The following SCARA5 variants were observed in gnomAD, a reference collection of about 807,000 sequenced individuals.
SCARA5 encodes the protein scavenger receptor class A member 5, also known as scavenger receptor class A, member 5 (putative).
In SCARA5, 45 loss-of-function variants were observed where a neutral mutation model predicts 46.3. The observed-to-expected ratio is 0.97, with a 90% confidence interval of 0.76 to 1.24. The LOEUF is 1.24. SCARA5 is among the 50% of genes most tolerant of loss of function. The pLI is 0.00. For missense variants in SCARA5, 680 were observed against 689.0 expected (o/e 0.99, Z 0.15); for synonymous variants, 333 against 306.5 (o/e 1.09, Z -0.90).
intron 3 of SCARA5, among the ~76,000 whole-genome samples, chr8:27,963,072 C>T (rs762777462): frequency 3.3e-5 from 5 of 152,200 alleles, no homozygotes; most frequent in Non-Finnish European, 7.3e-5. Flanking sequence ...GATCTTTTCA[C>T]TTCCCCTTTC....
chr8:27,907,643 C>G (rs145948476), intron 5 of SCARA5, among the ~76,000 whole-genome samples: 3 of 145,642 alleles, frequency 2.1e-5, no homozygotes, highest in Non-Finnish European at 4.5e-5. Flanking sequence ...GATCTCGGCT[C>G]ACTACAACCT....
At chr8:27,907,906 T>C (rs1318490973) in intron 5 of SCARA5, among the ~76,000 whole-genome samples, 1 of 152,148 alleles carries the variant, frequency 6.6e-6, no homozygotes, top group Non-Finnish European at 1.5e-5. Context: ...GCTTTCTACG[T>C]GCCAGGCCCT....
At chr8:27,887,389 T>C (rs1450494595) in intron 7 of SCARA5, among the ~76,000 whole-genome samples, 1 of 152,176 alleles carries the variant, frequency 6.6e-6, no homozygotes, top group East Asian at 1.9e-4. Context: ...ACCTGCAGAC[T>C]GGGGTCTACC....
intron 8 of SCARA5, among the ~76,000 whole-genome samples, chr8:27,873,919 G>A (rs1156328180): frequency 1.3e-5 from 2 of 152,152 alleles, no homozygotes; most frequent in African/African-American, 2.4e-5. Context: ...GCGTGGTGGT[G>A]CACGCCTGTA....
At chr8:27,990,971 G>T (rs994219265) in intron 1 of SCARA5, among the ~76,000 whole-genome samples, 1 of 152,232 alleles carries the variant, frequency 6.6e-6, no homozygotes, top group African/African-American at 2.4e-5. Context: ...CAGAGCCAGG[G>T]ATCTGCTTCT....
chr8:27,891,175 T>C (rs1167741938), intron 7 of SCARA5, among the ~76,000 whole-genome samples: 1 of 151,538 alleles, frequency 6.6e-6, no homozygotes, highest in Non-Finnish European at 1.5e-5. Context: ...TCTGTATAGA[T>C]GTGAACAGAA....
At chr8:27,905,441 T>G (rs2129751790) in intron 6 of SCARA5, among the ~76,000 whole-genome samples, 1 of 147,318 alleles carries the variant, frequency 6.8e-6, no homozygotes, top group East Asian at 2.0e-4. Context: ...CATCTGCCAA[T>G]CAAAAGCCCA....
intron 7 of SCARA5, among the ~76,000 whole-genome samples, chr8:27,897,967 A>C (rs181622224): frequency 4.7e-4 from 71 of 152,318 alleles, no homozygotes; most frequent in Admixed American, 2.0e-3. Flanking sequence ...GAGGGGCTTC[A>C]TTTCTCCTTG....
intron 4 of SCARA5, among the ~76,000 whole-genome samples, chr8:27,913,025 A>G (rs1213867862): frequency 6.6e-6 from 1 of 151,610 alleles, no homozygotes; most frequent in African/African-American, 2.4e-5. Context: ...ACTCTGCATA[A>G]CGCCTCCTCA....
chr8:27,967,381 G>T (rs2685399), intron 2 of SCARA5, among the ~76,000 whole-genome samples: 114,660 of 152,018 alleles, frequency 0.75, 43,492 homozygotes, highest in Non-Finnish European at 0.79. Context: ...TAGCTGAACT[G>T]GTCCTTCAAG....
chr8:27,898,483 G>A (rs925442521), intron 7 of SCARA5, among the ~76,000 whole-genome samples: 5 of 152,232 alleles, frequency 3.3e-5, no homozygotes, highest in African/African-American at 1.2e-4. Flanking sequence ...TTTAAGATTT[G>A]TTACTGTGAT....
chr8:27,951,721 T>A (rs1808131403), intron 3 of SCARA5, among the ~76,000 whole-genome samples: 1 of 152,204 alleles, frequency 6.6e-6, no homozygotes, highest in Non-Finnish European at 1.5e-5. Flanking sequence ...ATCCTTCCTC[T>A]TCCTCATGCA....
intron 3 of SCARA5, among the ~76,000 whole-genome samples, chr8:27,936,407 G>A (rs1218987751): frequency 6.6e-6 from 1 of 151,502 alleles, no homozygotes; most frequent in East Asian, 1.9e-4. Context: ...TGGTCAATAT[G>A]GCGAAAACCC....
chr8:27,891,209 TG>T (rs144003245), intron 7 of SCARA5, among the ~76,000 whole-genome samples: 103,380 of 145,860 alleles, frequency 0.71, 37,703 homozygotes, highest in Non-Finnish European at 0.81. Context: ...GTTTTTTTTT[TG>T]TTTTTTTTTT....
At chr8:27,906,927 C>T (rs1458450928) in intron 6 of SCARA5, among the ~76,000 whole-genome samples, 1 of 152,178 alleles carries the variant, frequency 6.6e-6, no homozygotes, top group Non-Finnish European at 1.5e-5. Flanking sequence ...GCCTGGTCCT[C>T]TCAAAATGCT....
chr8:27,960,223 C>T (rs1483692254), intron 3 of SCARA5, among the ~76,000 whole-genome samples: 2 of 150,526 alleles, frequency 1.3e-5, no homozygotes, highest in Admixed American at 1.3e-4. Flanking sequence ...GTCACTGAGG[C>T]TGGAGCGCAA....
chr8:27,950,880 A>G (rs114792293), intron 3 of SCARA5, among the ~76,000 whole-genome samples: 1,197 of 83,622 alleles, frequency 0.014, 28 homozygotes, highest in African/African-American at 0.052. Context: ...GCTTTATGGG[A>G]AAAAAAAAAA....
intron 2 of SCARA5, among the ~76,000 whole-genome samples, chr8:27,967,908 C>CAAAGG (rs1370516951): frequency 1.3e-5 from 2 of 151,728 alleles, no homozygotes; most frequent in East Asian, 1.9e-4. Flanking sequence ...GTAAGACTGT[C>CAAAGG]AAAGGAAAGG....
chr8:27,893,992 T>A (rs1282398495), intron 7 of SCARA5, among the ~76,000 whole-genome samples: 1 of 152,196 alleles, frequency 6.6e-6, no homozygotes, highest in Non-Finnish European at 1.5e-5. Context: ...CACACCTGGC[T>A]CAGGGCCATC....
Sources: allele counts gnomAD v4.1 joint callset (sites outside exome capture counted in the v4.1 genomes callset), GRCh38; gene constraint gnomAD v4.1.1; transcripts MANE v1.5; gene names NCBI Gene and HGNC (gene_info 2026-07-23, HGNC 2026-07-21).